The following ASIC2 variants were observed in gnomAD, a reference collection of about 807,000 sequenced individuals.
ASIC2 encodes the protein acid sensing ion channel subunit 2.
A neutral mutation model predicts 57.3 loss-of-function variants in ASIC2; 25 were observed. The observed-to-expected ratio is 0.44, with a 90% CI of 0.32 to 0.61. The LOEUF is 0.61. ASIC2 is among the 20% of genes least tolerant of loss of function. The pLI is 0.06. For synonymous variants in ASIC2, 319 were observed against 307.5 expected (o/e 1.04, Z -0.39); for missense variants, 641 against 738.1 (o/e 0.87, Z 1.52).
intron 1 of ASIC2, among the ~76,000 whole-genome samples, chr17:33,785,543 A>G (rs933738569): frequency 5.3e-5 from 8 of 152,182 alleles, no homozygotes; most frequent in Non-Finnish European, 7.3e-5. Context: ...CTTGCTGTTG[A>G]GCCAATGCCC....
intron 1 of ASIC2, among the ~76,000 whole-genome samples, chr17:33,186,025 G>A (rs574531992): frequency 6.6e-6 from 1 of 152,156 alleles, no homozygotes; most frequent in African/African-American, 2.4e-5. Flanking sequence ...TTAGGTGAGT[G>A]CAAAAGTAAT....
At chr17:33,898,596 G>A (rs1016940845) in intron 1 of ASIC2, among the ~76,000 whole-genome samples, 1 of 151,978 alleles carries the variant, frequency 6.6e-6, no homozygotes, top group Non-Finnish European at 1.5e-5. Context: ...AATTAACAGT[G>A]GTATAACATT....
At chr17:33,650,891 T>C (rs1277674973) in intron 1 of ASIC2, among the ~76,000 whole-genome samples, 2 of 152,220 alleles carry the variant, frequency 1.3e-5, no homozygotes, top group Non-Finnish European at 2.9e-5. Context: ...CTTGTGGTGA[T>C]AGAGGTATTC....
chr17:33,865,759 T>TAAAA (rs61218521), intron 1 of ASIC2, among the ~76,000 whole-genome samples: 1 of 122,106 alleles, frequency 8.2e-6, no homozygotes, highest in African/African-American at 3.1e-5. Flanking sequence ...AAAAAAAAAA[T>TAAAA]AAAAAAAAAA....
chr17:33,907,471 A>G, intron 1 of ASIC2, among the ~76,000 whole-genome samples: 1 of 151,954 alleles, frequency 6.6e-6, no homozygotes, highest in East Asian at 1.9e-4. Context: ...TTGCTTCTCA[A>G]TGGTCTCTGA....
At chr17:33,168,204 A>G (rs1194152952) in intron 1 of ASIC2, among the ~76,000 whole-genome samples, 1 of 152,188 alleles carries the variant, frequency 6.6e-6, no homozygotes, top group Non-Finnish European at 1.5e-5. Flanking sequence ...GGAGCGAAAT[A>G]AACTTTAGTT....
At chr17:33,414,385 G>A (rs1055450534) in intron 1 of ASIC2, among the ~76,000 whole-genome samples, 2 of 152,218 alleles carry the variant, frequency 1.3e-5, no homozygotes, top group Admixed American at 6.5e-5. Context: ...AGGTTGGCAG[G>A]TTGGTAATGC....
At chr17:33,085,552 C>T (rs1198176226) in intron 3 of ASIC2, among the ~76,000 whole-genome samples, 5 of 152,126 alleles carry the variant, frequency 3.3e-5, no homozygotes, top group African/African-American at 4.8e-5. Context: ...TTAAAGAAAC[C>T]GCTAATCTAC....
At chr17:33,159,047 G>A (rs1261515840) in intron 1 of ASIC2, among the ~76,000 whole-genome samples, 1 of 152,336 alleles carries the variant, frequency 6.6e-6, no homozygotes, top group East Asian at 1.9e-4. Flanking sequence ...GGGGATGTGC[G>A]TGGTTACCAG....
At chr17:33,974,604 C>CA (rs1905316678) in intron 1 of ASIC2, among the ~76,000 whole-genome samples, 1 of 130,628 alleles carries the variant, frequency 7.7e-6, no homozygotes, top group Non-Finnish European at 1.6e-5. Flanking sequence ...AGGAACCTAT[C>CA]TATCCATCCA....
intron 1 of ASIC2, chr17:33,541,303 A>G (rs1277848258): frequency 6.6e-6 from 1 of 152,190 alleles, no homozygotes; most frequent in Non-Finnish European, 1.5e-5. Context: ...TGAGAAAAGC[A>G]GGATTTTGTA....
chr17:33,867,603 G>C (rs971981018), intron 1 of ASIC2, among the ~76,000 whole-genome samples: 3 of 152,196 alleles, frequency 2.0e-5, no homozygotes, highest in Admixed American at 1.3e-4. Context: ...ATGCAGGCAA[G>C]GGGACACAAG....
chr17:33,052,856 T>C (rs1310491400), intron 3 of ASIC2: 1 of 152,212 alleles, frequency 6.6e-6, no homozygotes, highest in Non-Finnish European at 1.5e-5. Context: ...GAGAGGCACG[T>C]GACTAGTTCT....
intron 7 of ASIC2, among the ~76,000 whole-genome samples, chr17:33,017,955 G>A (rs915729073): frequency 4.6e-5 from 7 of 152,212 alleles, no homozygotes; most frequent in African/African-American, 1.7e-4. Context: ...GGCTAACGGG[G>A]TTGTTTGGTT....
At chr17:33,402,409 T>A (rs576514444) in intron 1 of ASIC2, among the ~76,000 whole-genome samples, 1 of 152,330 alleles carries the variant, frequency 6.6e-6, no homozygotes, top group South Asian at 2.1e-4. Context: ...AAGCCCAGCA[T>A]CCATTAGCTC....
chr17:33,425,492 G>T (rs1911187029), intron 1 of ASIC2, among the ~76,000 whole-genome samples: 1 of 152,144 alleles, frequency 6.6e-6, no homozygotes, highest in Admixed American at 6.5e-5. Flanking sequence ...GCAGAAGATT[G>T]GTTTCAAGGA....
chr17:33,382,753 C>A (rs916723156), intron 1 of ASIC2, among the ~76,000 whole-genome samples: 1 of 152,194 alleles, frequency 6.6e-6, no homozygotes, highest in Non-Finnish European at 1.5e-5. Flanking sequence ...GCAGGGACTG[C>A]GTCATCTTCA....
intron 1 of ASIC2, among the ~76,000 whole-genome samples, chr17:33,347,144 AAT>A (rs1376101307): frequency 6.6e-6 from 1 of 152,114 alleles, no homozygotes; most frequent in African/African-American, 2.4e-5. Flanking sequence ...AGGAAAGATG[AAT>A]GGGAACCAAA....
At chr17:33,123,176 G>A (rs192887930) in intron 1 of ASIC2, among the ~76,000 whole-genome samples, 1 of 152,190 alleles carries the variant, frequency 6.6e-6, no homozygotes, top group Non-Finnish European at 1.5e-5. Context: ...ATATGCTGAA[G>A]AGATGTCTGC....
Sources: gnomAD v4.1 joint callset for allele counts (sites outside exome capture counted in the v4.1 genomes callset) on GRCh38, gnomAD v4.1.1 for gene constraint, MANE v1.5 for transcripts, NCBI Gene and HGNC (gene_info 2026-07-23, HGNC 2026-07-21) for gene names.